LMCD1: variants seen among roughly 807,000 people sequenced by gnomAD.
LMCD1 encodes the protein LIM and cysteine rich domains 1, also known as LIM and cysteine-rich domains protein 1.
A neutral mutation model predicts 42.7 loss-of-function variants in LMCD1; 32 were observed. That is an observed-to-expected ratio of 0.75 (90% confidence interval 0.57 to 1.01). LMCD1 has a LOEUF of 1.01. Among genes scored for constraint, LMCD1 ranks in the 50% least tolerant of loss-of-function variants. The pLI is 0.00. For synonymous variants in LMCD1, 178 were observed against 184.9 expected (o/e 0.96, Z 0.30); for missense variants, 458 against 483.1 (o/e 0.95, Z 0.49).
chr3:8,513,433 G>C (rs1208093480), intron 1 of LMCD1, among the ~76,000 whole-genome samples: 2 of 152,096 alleles, frequency 1.3e-5, no homozygotes, highest in Non-Finnish European at 2.9e-5. Flanking sequence ...AAGCCCTTCT[G>C]TGCCACCAGC....
chr3:8,542,008 T>TTTC (rs1270045764), intron 3 of LMCD1, among the ~76,000 whole-genome samples: 1 of 144,078 alleles, frequency 6.9e-6, no homozygotes, highest in African/African-American at 2.6e-5. Context: ...GGAGCTTTTT[T>TTTC]TTTTTTTTTT....
At chr3:8,556,638 G>A (rs1021413908) in intron 4 of LMCD1, among the ~76,000 whole-genome samples, 9 of 152,130 alleles carry the variant, frequency 5.9e-5, no homozygotes, top group African/African-American at 1.7e-4. Flanking sequence ...TCTAAGCCCC[G>A]GGCAAAGCCG....
chr3:8,556,465 T>C (rs1694935037), intron 4 of LMCD1, among the ~76,000 whole-genome samples: 1 of 151,964 alleles, frequency 6.6e-6, no homozygotes, highest in Non-Finnish European at 1.5e-5. Flanking sequence ...CTACTGTGGA[T>C]TACAGACAAA....
chr3:8,542,216 G>A (rs921355247), intron 3 of LMCD1, among the ~76,000 whole-genome samples: 5 of 151,814 alleles, frequency 3.3e-5, no homozygotes, highest in Non-Finnish European at 7.4e-5. Context: ...TGGCCAGGCT[G>A]GTCTCAAACT....
chr3:8,503,948 T>A (rs911168979), intron 1 of LMCD1, among the ~76,000 whole-genome samples: 12 of 152,224 alleles, frequency 7.9e-5, no homozygotes, highest in African/African-American at 2.9e-4. Flanking sequence ...GTTTTTATTT[T>A]CCTTTGCATA....
At chr3:8,502,312 A>ATATATATTATATATAATATATAT (rs1559342085) in intron 1 of LMCD1, among the ~76,000 whole-genome samples, 12 of 19,680 alleles carry the variant, frequency 6.1e-4, no homozygotes, top group African/African-American at 2.8e-3. Flanking sequence ...ATAATATATA[A>ATATATATTATATATAATATATAT]AATATATATT....
At chr3:8,543,428 T>TAGATAGAC (rs1559353112) in intron 3 of LMCD1, among the ~76,000 whole-genome samples, 32 of 124,078 alleles carry the variant, frequency 2.6e-4, no homozygotes, top group African/African-American at 9.8e-4. Flanking sequence ...GATAGATAGA[T>TAGATAGAC]AGATAGATAG....
chr3:8,512,134 G>A (rs1218881788), intron 1 of LMCD1, among the ~76,000 whole-genome samples: 1 of 152,208 alleles, frequency 6.6e-6, no homozygotes, highest in Admixed American at 6.5e-5. Flanking sequence ...GCTTCACTCT[G>A]AAGCCATTTA....
At chr3:8,509,899 G>A (rs1361327213) in intron 1 of LMCD1, among the ~76,000 whole-genome samples, 1 of 152,224 alleles carries the variant, frequency 6.6e-6, no homozygotes, top group East Asian at 1.9e-4. Flanking sequence ...ACTATTGGCA[G>A]CTCTTAGGTC....
chr3:8,511,171 C>T (rs1490985753), intron 1 of LMCD1, among the ~76,000 whole-genome samples: 1 of 152,232 alleles, frequency 6.6e-6, no homozygotes, highest in Non-Finnish European at 1.5e-5. Context: ...GTTCTTGGCA[C>T]AGTACTTGAC....
chr3:8,506,356 T>A (rs186166550), intron 1 of LMCD1, among the ~76,000 whole-genome samples: 31 of 152,262 alleles, frequency 2.0e-4, no homozygotes, highest in African/African-American at 7.2e-4. Flanking sequence ...GATCCTCTCT[T>A]CATGCTAACT....
At chr3:8,549,137 A>C (rs1181099865) in intron 4 of LMCD1, among the ~76,000 whole-genome samples, 3 of 152,142 alleles carry the variant, frequency 2.0e-5, no homozygotes, top group Non-Finnish European at 2.9e-5. Flanking sequence ...GGCAAAACCG[A>C]AACAGTTTAG....
At chr3:8,538,959 A>G (rs1054645167) in intron 3 of LMCD1, among the ~76,000 whole-genome samples, 4 of 152,190 alleles carry the variant, frequency 2.6e-5, no homozygotes, top group East Asian at 1.9e-4. Flanking sequence ...CCTGGACCCA[A>G]TGAAAAAAGT....
intron 4 of LMCD1, among the ~76,000 whole-genome samples, chr3:8,554,407 G>C (rs2125035525): frequency 6.6e-6 from 1 of 152,304 alleles, no homozygotes; most frequent in Admixed American, 6.5e-5. Flanking sequence ...ATATGTGAGT[G>C]TTTAGGTTCT....
At chr3:8,548,094 A>G (rs949642923) in intron 3 of LMCD1, among the ~76,000 whole-genome samples, 8 of 152,216 alleles carry the variant, frequency 5.3e-5, no homozygotes, top group African/African-American at 1.9e-4. Context: ...GTGAAAATAG[A>G]GTATGATAAT....
chr3:8,565,825 A>C (rs975708001), intron 5 of LMCD1, among the ~76,000 whole-genome samples, 178 bp downstream of exon 5: 2 of 152,228 alleles, frequency 1.3e-5, no homozygotes, highest in African/African-American at 4.8e-5. Flanking sequence ...TGAGGCAGAC[A>C]ACCATGGGAT....
chr3:8,537,253 G>A lies in LMCD1; in HGVS notation c.200G>A (p.Arg67Gln), dbSNP rs1179506722. Residue 67 changes from arginine to glutamine, a missense_variant, in exon 3 of 6, where the codon CGG becomes CAG. Arg to Gln is a conservative substitution (Grantham distance 43). Coordinates refer to ENST00000157600, the MANE Select transcript of LMCD1 (RefSeq NM_014583.4). ...CTAACATCTGACCTAGAAGACGATCGGAAAATTGGCCGCTTGCTGATGGAC... is the reference window on the plus strand; with the variant it reads ...CTAACATCTGACCTAGAAGACGATCAGAAAATTGGCCGCTTGCTGATGGAC... ...HCLTSDLEDD[R>Q]KIGRLLMDSK... 1.1e-5 allele frequency: 17 copies of A among 1,614,142 alleles called. No individual in the cohort carries two copies. The highest frequency in any genetic ancestry group is 3.3e-4 in the Middle Eastern group (2 of 6,062).
chr3:8,505,860 G>A (rs979426495), intron 1 of LMCD1, among the ~76,000 whole-genome samples: 9 of 152,186 alleles, frequency 5.9e-5, no homozygotes, highest in Non-Finnish European at 7.3e-5. Flanking sequence ...CACATCACCC[G>A]GGTGAGCTGA....
chr3:8,551,719 C>T (rs988858980), intron 4 of LMCD1, among the ~76,000 whole-genome samples: 8 of 152,194 alleles, frequency 5.3e-5, no homozygotes, highest in Non-Finnish European at 1.2e-4. Flanking sequence ...AGCAACCCCG[C>T]CATTAGGAGT....
Sources: allele counts gnomAD v4.1 joint callset (sites outside exome capture counted in the v4.1 genomes callset), GRCh38; gene constraint gnomAD v4.1.1; transcripts MANE v1.5; gene names NCBI Gene and HGNC (gene_info 2026-07-23, HGNC 2026-07-21).